Variants in ZDHHC2 observed in about 807,000 individuals in gnomAD.
ZDHHC2 encodes zDHHC palmitoyltransferase 2.
Under a neutral mutation model 55.6 loss-of-function variants are expected in ZDHHC2, and 51 were observed. The observed-to-expected ratio is 0.92, with a 90% CI of 0.73 to 1.16. The LOEUF (loss-of-function observed/expected upper bound fraction) is 1.16, where lower values mean the gene tolerates loss of function less well. Among genes scored for constraint, ZDHHC2 ranks in the 50% most tolerant of loss-of-function variants. ZDHHC2 has a pLI of 0.00. For missense variants in ZDHHC2, 491 were observed against 442.4 expected, an observed-to-expected ratio of 1.11 and a Z score of -0.99; for synonymous variants, 199 against 152.9, an observed-to-expected ratio of 1.30 and a Z score of -2.22.
chr8:17,211,215 T>A (rs1402771494), intron 10 of ZDHHC2, among the ~76,000 whole-genome samples: 1 of 152,202 alleles, frequency 6.6e-6, no homozygotes, highest in Non-Finnish European at 1.5e-5. Flanking sequence ...TTTTATACCT[T>A]TGTGACAGAT....
At chr8:17,178,260 C>T (rs1174660764) in intron 1 of ZDHHC2, among the ~76,000 whole-genome samples, 1 of 152,096 alleles carries the variant, frequency 6.6e-6, no homozygotes, top group East Asian at 1.9e-4. Flanking sequence ...TTTAAATAAT[C>T]AATTGGTAAA....
chr8:17,186,450 A>C (rs1805715251), intron 3 of ZDHHC2, 25 bp downstream of exon 3: 2 of 1,338,218 alleles, frequency 1.5e-6, no homozygotes, highest in Non-Finnish European at 1.0e-6. Context: ...TAACGAAATT[A>C]TTCTAATAAT....
chr8:17,222,292 T>C lies in ZDHHC2; in HGVS notation c.*2071T>C, dbSNP rs940191646. ...GTTTTGTTTTGAATTATAGGAGTTA[T>C]AATCTTTGGAGATGATTGCATATCT... On this transcript the variant is annotated 3_prime_UTR_variant, in exon 13 of 13. Transcript: ENST00000262096. 6.6e-6 allele frequency: 1 copy of C among 151,836 alleles called. No individual in the cohort carries two copies. The highest frequency in any genetic ancestry group is 1.9e-4 in the East Asian group (1 of 5,192). 9.4% of individuals were successfully genotyped at this position (151,836 alleles called of 1,614,324 possible).
intron 4 of ZDHHC2, 63 bp downstream of exon 4, chr8:17,195,687 G>T: frequency 1.9e-6 from 3 of 1,595,950 alleles, no homozygotes; most frequent in Non-Finnish European, 1.7e-6. Context: ...GTGACTGTAA[G>T]AAAGTGTGTT....
intron 2 of ZDHHC2, among the ~76,000 whole-genome samples, chr8:17,185,887 C>G (rs1464487059): frequency 6.6e-6 from 1 of 152,208 alleles, no homozygotes; most frequent in Non-Finnish European, 1.5e-5. Context: ...TGACTAGAGC[C>G]AAGCAAATAA....
At position 17,217,256 on chromosome 8, in the gene ZDHHC2, T is replaced by C. The variant is rs753549294; in HGVS notation, c.*34+10T>C. ...TTCATACTTTATAAAAGTACGATAA[T>C]TTTCCCTTTATTGTTTTATATTTTT... On this transcript the variant is annotated intron_variant, in intron 12 of 12. Transcript: ENST00000262096. The C allele has an allele frequency of 3.8e-6, 6 of 1,565,600 alleles. No homozygotes were observed. The South Asian group carries it at 5.8e-5, about 15-fold the overall frequency.
chr8:17,214,641 G>A (rs1035452653), intron 10 of ZDHHC2, among the ~76,000 whole-genome samples: 4 of 152,130 alleles, frequency 2.6e-5, no homozygotes, highest in Non-Finnish European at 5.9e-5. Context: ...CGGTGTGGTG[G>A]CCTATGCATG....
intron 1 of ZDHHC2, among the ~76,000 whole-genome samples, chr8:17,176,160 T>C (rs1227351266): frequency 6.6e-6 from 1 of 152,170 alleles, no homozygotes; most frequent in Non-Finnish European, 1.5e-5. Flanking sequence ...GGTTTTCTTA[T>C]TGCAAAATGA....
intron 6 of ZDHHC2, among the ~76,000 whole-genome samples, chr8:17,204,417 A>C (rs1806986415): frequency 6.6e-6 from 1 of 152,252 alleles, no homozygotes. Flanking sequence ...TGTATGTTCT[A>C]TTTAATAGGT....
intron 1 of ZDHHC2, among the ~76,000 whole-genome samples, chr8:17,158,385 A>G (rs1191465328): frequency 6.6e-6 from 1 of 152,224 alleles, no homozygotes; most frequent in Non-Finnish European, 1.5e-5. Context: ...GAAGGCCTTC[A>G]TTATCAAAAT....
chr8:17,202,614 A>G (rs1407295195), intron 6 of ZDHHC2, among the ~76,000 whole-genome samples: 1 of 152,066 alleles, frequency 6.6e-6, no homozygotes, highest in Non-Finnish European at 1.5e-5. Flanking sequence ...TCTTCCTTTT[A>G]TATTGAGTCT....
At chr8:17,178,763 TC>T (rs991808680) in intron 1 of ZDHHC2, among the ~76,000 whole-genome samples, 1 of 152,202 alleles carries the variant, frequency 6.6e-6, no homozygotes, top group African/African-American at 2.4e-5. Context: ...GTCATCCTTT[TC>T]TATATTATGG....
chr8:17,201,060 T>A (rs2410530), intron 6 of ZDHHC2, among the ~76,000 whole-genome samples: 33,122 of 152,210 alleles, frequency 0.22, 4,801 homozygotes, highest in Non-Finnish European at 0.33. Flanking sequence ...TTTAATTTTT[T>A]AATTTCAAAT....
At chr8:17,179,592 G>T (rs980266962) in intron 1 of ZDHHC2, among the ~76,000 whole-genome samples, 1 of 151,944 alleles carries the variant, frequency 6.6e-6, no homozygotes, top group Non-Finnish European at 1.5e-5. Flanking sequence ...AAGTTTATTT[G>T]TAGAGACACA....
chr8:17,219,432 G>C (rs939456590), intron 12 of ZDHHC2, among the ~76,000 whole-genome samples: 1 of 151,660 alleles, frequency 6.6e-6, no homozygotes, highest in African/African-American at 2.4e-5. Context: ...ATTAAATTTA[G>C]CTTACCAACC....
chr8:17,161,586 G>A (rs569917419), intron 1 of ZDHHC2, among the ~76,000 whole-genome samples: 69 of 152,248 alleles, frequency 4.5e-4, no homozygotes, highest in Middle Eastern at 3.4e-3. Context: ...TGGCCAGCAC[G>A]GTGGCTCACC....
chr8:17,193,250 C>T (rs1337249927), intron 3 of ZDHHC2, among the ~76,000 whole-genome samples: 1 of 152,192 alleles, frequency 6.6e-6, no homozygotes, highest in Non-Finnish European at 1.5e-5. Flanking sequence ...GGAGATACCC[C>T]AATCCCAGTA....
In ZDHHC2 at chr8:17,198,613, A is replaced by G. The variant is rs577680004; in HGVS notation, c.476+200A>G. Among the ~76,000 whole-genome samples, 139 of 152,372 alleles carry G rather than the reference A, an allele frequency of 9.1e-4. 1 individual carries two copies. Among genetic ancestry groups the G allele is most frequent in the African/African-American group, 3.0e-3 (125 of 41,594 alleles). ...GTTTCCATGAAATACTTTTAAAACC[A>G]GTAGGTTAACAACCTAAAAGTTAAT... On this transcript the variant is annotated intron_variant, in intron 6 of 12. Coordinates refer to ENST00000262096, the MANE Select transcript of ZDHHC2 (RefSeq NM_016353.5).
intron 4 of ZDHHC2, 144 bp downstream of exon 4, chr8:17,195,768 C>A: frequency 1.7e-6 from 2 of 1,145,036 alleles, no homozygotes; most frequent in Non-Finnish European, 2.5e-6. Context: ...TTAAATCTTT[C>A]CTGTGTGATT....
Sources: allele counts gnomAD v4.1 joint callset (sites outside exome capture counted in the v4.1 genomes callset), GRCh38; gene constraint gnomAD v4.1.1; transcripts MANE v1.5; gene names NCBI Gene and HGNC (gene_info 2026-07-23, HGNC 2026-07-21).